The following SLC9A9 variants were observed in gnomAD, a reference collection of about 807,000 sequenced individuals.
The protein encoded by SLC9A9 is solute carrier family 9 member A9, also known as sodium/hydrogen exchanger 9.
SLC9A9 carries 62 observed loss-of-function variants against 77.8 expected under a neutral mutation model. The observed-to-expected ratio is 0.80, with a 90% CI of 0.65 to 0.98. SLC9A9 has a LOEUF of 0.98. SLC9A9 is among the 50% of genes least tolerant of loss of function. The pLI is 0.00. For missense variants in SLC9A9, 775 were observed against 774.9 expected, an observed-to-expected ratio of 1.00 and a Z score of 0.00; for synonymous variants, 320 against 283.5, an observed-to-expected ratio of 1.13 and a Z score of -1.29.
intron 11 of SLC9A9, among the ~76,000 whole-genome samples, chr3:143,480,050 T>C (rs1349851206): frequency 1.3e-5 from 2 of 152,194 alleles, no homozygotes; most frequent in African/African-American, 2.4e-5. Context: ...AGTATTAATA[T>C]CCCCATTTTA....
intron 4 of SLC9A9, among the ~76,000 whole-genome samples, chr3:143,701,185 G>A (rs1576668704): frequency 6.6e-6 from 1 of 152,244 alleles, no homozygotes; most frequent in African/African-American, 2.4e-5. Flanking sequence ...AGAAATATGG[G>A]TACTATCAAG....
intron 4 of SLC9A9, among the ~76,000 whole-genome samples, chr3:143,776,159 G>A (rs1483881341): frequency 6.6e-6 from 1 of 152,022 alleles, no homozygotes; most frequent in Non-Finnish European, 1.5e-5. Flanking sequence ...ATTTATGATT[G>A]TTTTCTACTT....
chr3:143,846,860 C>A (rs1383994426), intron 1 of SLC9A9, among the ~76,000 whole-genome samples: 1 of 151,802 alleles, frequency 6.6e-6, no homozygotes, highest in Admixed American at 6.6e-5. Context: ...GTGTGCTGCA[C>A]CCATTAACTC....
chr3:143,684,426 G>T (rs1305474640), intron 5 of SLC9A9, among the ~76,000 whole-genome samples: 1 of 151,990 alleles, frequency 6.6e-6, no homozygotes, highest in Non-Finnish European at 1.5e-5. Flanking sequence ...GGCTATGCAG[G>T]TTGTCTCCCT....
intron 6 of SLC9A9, among the ~76,000 whole-genome samples, chr3:143,585,878 A>C (rs1352890470): frequency 6.6e-6 from 1 of 152,156 alleles, no homozygotes; most frequent in African/African-American, 2.4e-5. Flanking sequence ...GGCCATGTCC[A>C]ATAACTCCCT....
chr3:143,402,400 A>G (rs1365891256), intron 12 of SLC9A9, among the ~76,000 whole-genome samples: 3 of 151,160 alleles, frequency 2.0e-5, no homozygotes, highest in East Asian at 1.9e-4. Flanking sequence ...GCAGTGTGGT[A>G]GAATGTGGCA....
intron 5 of SLC9A9, among the ~76,000 whole-genome samples, chr3:143,657,711 C>T (rs557340961): frequency 6.6e-6 from 1 of 152,062 alleles, no homozygotes; most frequent in Admixed American, 6.5e-5. Context: ...TGAAACAATG[C>T]CACTTTTCTA....
At position 143,497,950 on chromosome 3, in the gene SLC9A9, C is replaced by T. The variant is rs1021172220; in HGVS notation, c.1090-2502G>A. ...AAGAGGAGAAGTATATGGGAAAAGTCGTTTTGTTTTGATTTTTTCTATTTG... is the reference window on the plus strand; with the variant it reads ...AAGAGGAGAAGTATATGGGAAAAGTTGTTTTGTTTTGATTTTTTCTATTTG... On this transcript the variant is annotated intron_variant, in intron 9 of 15. Coordinates refer to ENST00000316549, the MANE Select transcript of SLC9A9 (RefSeq NM_173653.4). Among the ~76,000 whole-genome samples the T allele has an allele frequency of 2.6e-4, 39 of 152,068 alleles. 1 individual carries two copies. The highest frequency in any genetic ancestry group is 2.5e-3 in the Admixed American group (38 of 15,268).
At chr3:143,773,793 A>C (rs2007605410) in intron 4 of SLC9A9, among the ~76,000 whole-genome samples, 1 of 152,128 alleles carries the variant, frequency 6.6e-6, no homozygotes. Context: ...CCTAATTTTT[A>C]ACAATGGTTG....
intron 4 of SLC9A9, among the ~76,000 whole-genome samples, chr3:143,737,883 C>A (rs948451548): frequency 2.6e-5 from 4 of 152,178 alleles, no homozygotes; most frequent in African/African-American, 9.7e-5. Context: ...AGAACGTATA[C>A]TCTTACTAAA....
chr3:143,291,363 T>C (rs1170000294), intron 14 of SLC9A9, among the ~76,000 whole-genome samples: 1 of 152,160 alleles, frequency 6.6e-6, no homozygotes, highest in African/African-American at 2.4e-5. Flanking sequence ...GACTAAAACC[T>C]TTCCGGCCTC....
chr3:143,823,750 T>G (rs1476866504), intron 2 of SLC9A9, among the ~76,000 whole-genome samples: 1 of 151,712 alleles, frequency 6.6e-6, no homozygotes, highest in East Asian at 1.9e-4. Context: ...CAAAAATATT[T>G]AATAGTTACA....
intron 4 of SLC9A9, among the ~76,000 whole-genome samples, chr3:143,778,353 T>C (rs1387643492): frequency 1.3e-5 from 2 of 152,230 alleles, no homozygotes; most frequent in Non-Finnish European, 2.9e-5. Flanking sequence ...ACTCAAAATA[T>C]GCTTCAACTA....
intron 4 of SLC9A9, among the ~76,000 whole-genome samples, chr3:143,762,253 A>C (rs972431126): frequency 6.6e-6 from 1 of 152,206 alleles, no homozygotes; most frequent in Non-Finnish European, 1.5e-5. Context: ...TGACGAGTTA[A>C]TGGGTGCAGC....
intron 12 of SLC9A9, among the ~76,000 whole-genome samples, chr3:143,439,929 C>G (rs1415851585): frequency 6.6e-6 from 1 of 152,200 alleles, no homozygotes; most frequent in Non-Finnish European, 1.5e-5. Context: ...AAATGAAGCC[C>G]TCAGCAGTTT....
chr3:143,616,104 C>G (rs1182620753), intron 6 of SLC9A9, among the ~76,000 whole-genome samples: 1 of 151,976 alleles, frequency 6.6e-6, no homozygotes, highest in Non-Finnish European at 1.5e-5. Flanking sequence ...AGGATGGTCT[C>G]GACCTCCTGA....
At chr3:143,553,212 A>G (rs2036922765) in intron 8 of SLC9A9, among the ~76,000 whole-genome samples, 1 of 152,164 alleles carries the variant, frequency 6.6e-6, no homozygotes, top group African/African-American at 2.4e-5. Flanking sequence ...CACATACACT[A>G]GATGCTTTCT....
intron 15 of SLC9A9, 70 bp from the exon 16 acceptor site, chr3:143,266,999 T>G: frequency 6.8e-7 from 1 of 1,477,950 alleles, no homozygotes; most frequent in East Asian, 2.3e-5. Context: ...CCTACAATTT[T>G]TTTTTTTTTT....
intron 12 of SLC9A9, among the ~76,000 whole-genome samples, chr3:143,406,849 G>A (rs558395541): frequency 1.3e-5 from 2 of 151,952 alleles, no homozygotes; most frequent in African/African-American, 4.8e-5. Flanking sequence ...GGTGGCGCAT[G>A]CCTGTAACCC....
Sources: gnomAD v4.1 joint callset for allele counts (sites outside exome capture counted in the v4.1 genomes callset) on GRCh38, gnomAD v4.1.1 for gene constraint, MANE v1.5 for transcripts, NCBI Gene and HGNC (gene_info 2026-07-23, HGNC 2026-07-21) for gene names.